ARHGEF28: variants seen among roughly 807,000 people sequenced by gnomAD.
ARHGEF28 encodes the protein 190 kDa guanine nucleotide exchange factor.
In ARHGEF28, 152 loss-of-function variants were observed where a neutral mutation model predicts 206.6. That is an observed-to-expected ratio of 0.74 (90% confidence interval 0.64 to 0.84). ARHGEF28 has a LOEUF of 0.84. ARHGEF28 is among the 40% of genes least tolerant of loss of function. The pLI is 0.00. For missense variants in ARHGEF28, 2,028 were observed against 2,073.2 expected, an observed-to-expected ratio of 0.98 and a Z score of 0.42; for synonymous variants, 763 against 776.4, an observed-to-expected ratio of 0.98 and a Z score of 0.29.
intron 4 of ARHGEF28, among the ~76,000 whole-genome samples, chr5:73,760,938 T>C (rs1305514765): frequency 1.3e-5 from 2 of 152,228 alleles, no homozygotes; most frequent in Non-Finnish European, 2.9e-5. Flanking sequence ...ACAATGGCCC[T>C]TATACTGGAA....
intron 34 of ARHGEF28, 50 bp downstream of exon 34, chr5:73,909,947 G>A (rs1227827297): frequency 6.8e-7 from 1 of 1,469,088 alleles, no homozygotes; most frequent in Non-Finnish European, 8.9e-7. Context: ...GACAGGGGTG[G>A]GCCTGGGGGC....
rs188597533 is a variant in ARHGEF28, at chr5:73,868,706, G to T, written c.2425+479G>T. The stretch of plus-strand genomic sequence containing the variant: ...CTGTTGCCCAGGCTGGAGTGCAGTG[G>T]TATGATCTCGGCTCATTGCAACCTC... On this transcript the variant is annotated intron_variant, in intron 20 of 35. Coordinates refer to ENST00000513042, the MANE Select transcript of ARHGEF28 (RefSeq NM_001177693.2). Among the ~76,000 whole-genome samples the T allele has an allele frequency of 1.8e-3, 277 of 152,156 alleles. 1 individual carries two copies. The highest frequency in any genetic ancestry group is 6.8e-3 in the Middle Eastern group (2 of 294).
chr5:73,689,110 ATCT>A (rs1561334800), intron 2 of ARHGEF28, among the ~76,000 whole-genome samples: 1 of 152,186 alleles, frequency 6.6e-6, no homozygotes, highest in Non-Finnish European at 1.5e-5. Flanking sequence ...TATAGAGATA[ATCT>A]TTTACATTTT....
chr5:73,884,749 C>T (rs1485390823), intron 24 of ARHGEF28, among the ~76,000 whole-genome samples: 1 of 125,898 alleles, frequency 7.9e-6, no homozygotes, highest in African/African-American at 3.5e-5. Flanking sequence ...CCTTAATAAA[C>T]ATCAACTAGG....
intron 7 of ARHGEF28, among the ~76,000 whole-genome samples, chr5:73,785,858 G>A (rs1215993321): frequency 6.6e-6 from 1 of 151,910 alleles, no homozygotes; most frequent in Non-Finnish European, 1.5e-5. Context: ...TCAGGGTGGA[G>A]GCAGCCGCTC....
At chr5:73,743,950 G>A (rs989402380) in intron 2 of ARHGEF28, among the ~76,000 whole-genome samples, 22 of 152,090 alleles carry the variant, frequency 1.4e-4, no homozygotes, top group Non-Finnish European at 2.8e-4. Context: ...AATGTACTGA[G>A]CCTGGCACAG....
chr5:73,674,865 T>A (rs1746555975), intron 1 of ARHGEF28, among the ~76,000 whole-genome samples: 1 of 152,208 alleles, frequency 6.6e-6, no homozygotes, highest in Non-Finnish European at 1.5e-5. Context: ...TGGAGGTTCC[T>A]GGAGGGTGGC....
intron 22 of ARHGEF28, among the ~76,000 whole-genome samples, chr5:73,882,041 G>C (rs72772575): frequency 6.6e-6 from 1 of 150,474 alleles, no homozygotes; most frequent in East Asian, 2.3e-4. Flanking sequence ...TGATTTTTTT[G>C]GGGGGGAGGT....
intron 14 of ARHGEF28, among the ~76,000 whole-genome samples, chr5:73,857,273 T>C (rs986008664): frequency 2.0e-5 from 3 of 152,204 alleles, no homozygotes; most frequent in Non-Finnish European, 4.4e-5. Flanking sequence ...GGGGAATTCT[T>C]ACTAGCATAG....
At chr5:73,915,922 T>C (rs921051703) in intron 35 of ARHGEF28, among the ~76,000 whole-genome samples, 6 of 152,342 alleles carry the variant, frequency 3.9e-5, no homozygotes, top group South Asian at 4.1e-4. Flanking sequence ...AGCCAAATTT[T>C]ATGTTAATAA....
intron 9 of ARHGEF28, among the ~76,000 whole-genome samples, chr5:73,815,618 G>A (rs1276463101): frequency 6.6e-6 from 1 of 152,110 alleles, no homozygotes; most frequent in African/African-American, 2.4e-5. Flanking sequence ...GCCCAGTGTT[G>A]TTGGGGCCTG....
At chr5:73,660,685 A>C (rs570281512) in intron 1 of ARHGEF28, among the ~76,000 whole-genome samples, 1 of 152,244 alleles carries the variant, frequency 6.6e-6, no homozygotes, top group Admixed American at 6.5e-5. Flanking sequence ...ACAGGCATAA[A>C]AACAACATTA....
At chr5:73,741,653 A>ATG (rs1751441991) in intron 2 of ARHGEF28, among the ~76,000 whole-genome samples, 2 of 127,896 alleles carry the variant, frequency 1.6e-5, no homozygotes, top group African/African-American at 6.4e-5. Flanking sequence ...ACTCCCGACC[A>ATG]CGTGATCCAC....
rs765659942 is a variant in ARHGEF28 at position 73,749,914 on chromosome 5, C to T, written c.111C>T (p.Asp37=). 15 of 1,613,844 alleles carry T rather than the reference C, an allele frequency of 9.3e-6. No individual in the cohort carries two copies. Among genetic ancestry groups the T allele is most frequent in the South Asian group, 6.6e-5 (6 of 91,076 alleles). The part of the protein sequence containing the change: ...PEDAEFYFTY[D]GSHQRHVMIA... ...ATGCTGAGTTTTACTTTACTTATGACGGATCTCATCAGCGACATGTCATGA... is the reference window on the plus strand; with the variant it reads ...ATGCTGAGTTTTACTTTACTTATGATGGATCTCATCAGCGACATGTCATGA... Residue 37 remains aspartate, a synonymous_variant, in exon 3 of 36, where the codon GAC becomes GAT. Coordinates refer to ENST00000513042, the MANE Select transcript of ARHGEF28 (RefSeq NM_001177693.2).
At chr5:73,931,385 T>C (rs1764106425) in intron 35 of ARHGEF28, among the ~76,000 whole-genome samples, 1 of 152,206 alleles carries the variant, frequency 6.6e-6, no homozygotes, top group East Asian at 1.9e-4. Flanking sequence ...TAGAGGTATA[T>C]TTCCCTCAGT....
At chr5:73,636,239 ATCT>A (rs1173547628) in intron 1 of ARHGEF28, among the ~76,000 whole-genome samples, 3 of 152,216 alleles carry the variant, frequency 2.0e-5, no homozygotes, top group African/African-American at 7.2e-5. Flanking sequence ...CCTCTAGGTT[ATCT>A]TCTTCGTATC....
intron 35 of ARHGEF28, among the ~76,000 whole-genome samples, chr5:73,933,500 TA>T (rs372114189): frequency 3.7e-4 from 56 of 152,370 alleles, no homozygotes; most frequent in African/African-American, 1.3e-3. Context: ...AAGAGGCTTC[TA>T]ATTTATTGCC....
chr5:73,911,445 T>C lies in ARHGEF28; in HGVS notation c.4818T>C (p.Ser1606=). 1.2e-6 allele frequency: 2 copies of C among 1,614,004 alleles called. No individual in the cohort carries two copies. The highest frequency in any genetic ancestry group is 2.2e-5 in the South Asian group (2 of 91,070). Residue 1606 remains serine (S), a synonymous_variant, in exon 35 of 36, where the codon AGT becomes AGC. Transcript: ENST00000513042. ...TQSHSDLVRT[S]EHQVDLKVDP... The stretch of plus-strand genomic sequence containing the variant: ...CTCATTCTGACTTGGTGAGGACTAG[T>C]GAACATCAAGTAGACCTCAAGGTGG...
intron 1 of ARHGEF28, among the ~76,000 whole-genome samples, chr5:73,670,552 G>A (rs1746240033): frequency 6.6e-6 from 1 of 152,162 alleles, no homozygotes; most frequent in Non-Finnish European, 1.5e-5. Flanking sequence ...GCAGTTGCAT[G>A]TTCGGTTTTA....
Sources: allele counts gnomAD v4.1 joint callset (sites outside exome capture counted in the v4.1 genomes callset), GRCh38; gene constraint gnomAD v4.1.1; transcripts MANE v1.5; gene names NCBI Gene and HGNC (gene_info 2026-07-23, HGNC 2026-07-21).